Variants in MON2 observed in about 807,000 individuals in gnomAD.
MON2 encodes MON2 regulator of endosome-to-Golgi trafficking.
MON2 carries 84 observed loss-of-function variants against 208.6 expected under a neutral mutation model. That is an observed-to-expected ratio of 0.40 (90% confidence interval 0.34 to 0.48). The LOEUF (loss-of-function observed/expected upper bound fraction) is 0.48, where lower values mean the gene tolerates loss of function less well. MON2 is among the 20% of genes least tolerant of loss of function. MON2 has a pLI of 0.59. For synonymous variants in MON2, 660 were observed against 694.0 expected, an observed-to-expected ratio of 0.95 and a Z score of 0.77; for missense variants, 1,611 against 2,015.4, an observed-to-expected ratio of 0.80 and a Z score of 3.84.
Position 62,507,943 on chromosome 12 carries a change from A to AT in MON2, c.790-335dup, listed in dbSNP as rs996738143. ...GCCACCATACCTGGCTAATTTTTTA[A>AT]TTTTTTTTGTAGAGATGGAGTCTCA... On this transcript the variant is annotated intron_variant, in intron 7 of 34. Transcript: ENST00000393630. Among the ~76,000 whole-genome samples the AT allele has an allele frequency of 4.6e-5, 7 of 151,432 alleles. No individual in the cohort carries two copies. The South Asian group carries it at 1.3e-3, about 27-fold the overall frequency.
intron 2 of MON2, among the ~76,000 whole-genome samples, chr12:62,491,972 T>C (rs894199305): frequency 6.6e-6 from 1 of 152,314 alleles, no homozygotes; most frequent in Non-Finnish European, 1.5e-5. Flanking sequence ...CATATCGTTA[T>C]GGAAAATTTG....
intron 8 of MON2, among the ~76,000 whole-genome samples, chr12:62,515,278 A>G (rs1471935141): frequency 6.6e-6 from 1 of 152,238 alleles, no homozygotes. Flanking sequence ...AATACAGTGT[A>G]TACATATGTT....
chr12:62,483,278 T>C (rs2069555625), intron 1 of MON2, among the ~76,000 whole-genome samples: 1 of 152,188 alleles, frequency 6.6e-6, no homozygotes, highest in African/African-American at 2.4e-5. Flanking sequence ...GGCTACCAAA[T>C]TGGACAGTGC....
At position 62,596,627 on chromosome 12, in the gene MON2, T is replaced by A. The variant is rs966968495; in HGVS notation, c.*3878T>A. 3.3e-5 allele frequency: 5 copies of A among 152,310 alleles called. No homozygotes were observed. Among genetic ancestry groups the A allele is most frequent in the African/African-American group, 7.2e-5 (3 of 41,566 alleles). 9.4% of individuals were successfully genotyped at this position (152,310 alleles called of 1,614,324 possible). On this transcript the variant is annotated 3_prime_UTR_variant, in exon 35 of 35. Transcript: ENST00000393630. ...ACATTATTAGAGGGAATTTTTATTT[T>A]AAAAAAATTGTCATTCATGAGAAGA...
At position 62,537,865 on chromosome 12, in the gene MON2, T is replaced by A. The variant is rs185793614; in HGVS notation, c.2118+159T>A. Among the ~76,000 whole-genome samples, 364 of 152,302 alleles carry A rather than the reference T, an allele frequency of 2.4e-3. 3 individuals carry two copies. Among genetic ancestry groups the A allele is most frequent in the African/African-American group, 8.2e-3 (342 of 41,562 alleles). ...GAAAGGGAAAAAGATGTGACTCATA[T>A]TGTAGGAAGTGGTGGAATGCTTCTC... On this transcript the variant is annotated intron_variant, in intron 16 of 34. Transcript: ENST00000393630.
intron 1 of MON2, among the ~76,000 whole-genome samples, chr12:62,467,628 A>C (rs1419766155): frequency 6.6e-6 from 1 of 152,214 alleles, no homozygotes; most frequent in Non-Finnish European, 1.5e-5. Context: ...AAACTGGCCA[A>C]ACCAAAATTG....
At chr12:62,557,925 G>GT (rs1478360668) in intron 25 of MON2, among the ~76,000 whole-genome samples, 1 of 59,484 alleles carries the variant, frequency 1.7e-5, no homozygotes, top group African/African-American at 8.3e-5. Flanking sequence ...AGAACGAATA[G>GT]ATTTATATAT....
rs1565699165 is a variant in MON2 at position 62,571,450 on chromosome 12, T to C, written c.4382T>C (p.Leu1461Pro). The C allele has an allele frequency of 6.2e-7, 1 of 1,613,366 alleles. No individual in the cohort carries two copies. The highest frequency in any genetic ancestry group is 2.2e-5 in the East Asian group (1 of 44,858). Residue 1461 changes from leucine to proline, a missense_variant, in exon 30 of 35, where the codon CTA becomes CCA. By Grantham distance (98) the Leu-to-Pro change is moderately conservative. Transcript: ENST00000393630. The stretch of plus-strand genomic sequence containing the variant: ...TGCCCTTCTGAAAGCACATGGAAAC[T>C]AGCAGTATCCTCTCTCCTCAGAGTT... ...YSCPSESTWKLAVSSLLRVLS... is the reference protein window; with the variant it reads ...YSCPSESTWKPAVSSLLRVLS...
In MON2 at chr12:62,542,633, G is replaced by A. The variant is rs575246839; in HGVS notation, c.2365-464G>A. ...GACTATAGAAAACTGTTTTGTCTTC[G>A]TGTCCTCTGCTGTTCTGTTAGTGTC... is the stretch of plus-strand genomic sequence containing the variant. On this transcript the variant is annotated intron_variant, in intron 19 of 34. Coordinates refer to ENST00000393630, the MANE Select transcript of MON2 (RefSeq NM_015026.3). Among the ~76,000 whole-genome samples the A allele has an allele frequency of 3.8e-3, 577 of 152,168 alleles. 1 individual carries two copies. Among genetic ancestry groups the A allele is most frequent in the Non-Finnish European group, 5.3e-3 (362 of 68,014 alleles).
chr12:62,577,009 A>T (rs972277939), intron 30 of MON2, among the ~76,000 whole-genome samples: 1 of 151,776 alleles, frequency 6.6e-6, no homozygotes, highest in Non-Finnish European at 1.5e-5. Context: ...TATTAATATT[A>T]TTTTATTATT....
At chr12:62,541,707 G>A (rs2073250546) in intron 19 of MON2, among the ~76,000 whole-genome samples, 1 of 152,128 alleles carries the variant, frequency 6.6e-6, no homozygotes, top group South Asian at 2.1e-4. Flanking sequence ...CTGACTTTTG[G>A]TGTGCATCAG....
At chr12:62,484,344 C>A in intron 2 of MON2, 111 bp downstream of exon 2, 2 of 654,502 alleles carry the variant, frequency 3.1e-6, no homozygotes, top group Non-Finnish European at 5.4e-6. Context: ...TCCTCATGCC[C>A]TAACATATGC....
At chr12:62,556,472 T>C (rs1565681637) in intron 25 of MON2, among the ~76,000 whole-genome samples, 1 of 152,206 alleles carries the variant, frequency 6.6e-6, no homozygotes, top group Non-Finnish European at 1.5e-5. Flanking sequence ...CAAGGAGTGG[T>C]ACTTTGTGAG....
chr12:62,553,232 CTT>C (rs1433708942), intron 24 of MON2, 58 bp downstream of exon 24: 1 of 1,392,720 alleles, frequency 7.2e-7, no homozygotes, highest in Non-Finnish European at 9.8e-7. Context: ...TATATTAATA[CTT>C]TTTCAGTTAA....
At chr12:62,526,410 T>A (rs2072330985) in intron 11 of MON2, among the ~76,000 whole-genome samples, 1 of 152,174 alleles carries the variant, frequency 6.6e-6, no homozygotes, top group African/African-American at 2.4e-5. Flanking sequence ...TGGGCTTAGG[T>A]CTTCTAATAT....
chr12:62,560,793 A>G lies in MON2; in HGVS notation c.3712A>G (p.Asn1238Asp), dbSNP rs768242984. The G allele has an allele frequency of 5.6e-6, 9 of 1,613,990 alleles. No homozygotes were observed. Among genetic ancestry groups the G allele is most frequent in the East Asian group, 4.5e-5 (2 of 44,890 alleles). ...PIVTDELEDL[N>D]LWWAAWNTWY... ...TGTTACTGATGAGCTTGAAGATTTG[A>G]ATCTATGGTGGGCTGCGTGGAATAC... Residue 1238 changes from asparagine to aspartate, a missense_variant, in exon 26 of 35, where the codon AAT becomes GAT. Coordinates refer to ENST00000393630, the MANE Select transcript of MON2 (RefSeq NM_015026.3).
Position 62,567,586 on chromosome 12 carries a change from C to T in MON2, c.4323+1136C>T, listed in dbSNP as rs564414880. 2.6e-5 allele frequency among the ~76,000 whole-genome samples: 4 copies of T among 152,288 alleles called. No homozygotes were observed. In the East Asian group the frequency reaches 7.7e-4, roughly 29 times the overall value. ...GGTACTGGCCTTCTGAAACCTGAGC[C>T]TTCTGAAAGCTCTTTCTTCCCTTGA... On this transcript the variant is annotated intron_variant, in intron 29 of 34. Coordinates refer to ENST00000393630, the MANE Select transcript of MON2 (RefSeq NM_015026.3).
chr12:62,537,062 C>G, intron 14 of MON2, 89 bp from the exon 15 acceptor site: 3 of 725,066 alleles, frequency 4.1e-6, no homozygotes, highest in Admixed American at 3.1e-5. Flanking sequence ...TATGGCTAAA[C>G]TTGGTTTAAT....
At chr12:62,589,799 C>G (rs2075338401) in intron 34 of MON2, among the ~76,000 whole-genome samples, 1 of 142,156 alleles carries the variant, frequency 7.0e-6, no homozygotes, top group African/African-American at 2.6e-5. Context: ...GAAAAGGAAG[C>G]AAAAACTCAG....
Sources: gnomAD v4.1 joint callset for allele counts (sites outside exome capture counted in the v4.1 genomes callset) on GRCh38, gnomAD v4.1.1 for gene constraint, MANE v1.5 for transcripts, NCBI Gene and HGNC (gene_info 2026-07-23, HGNC 2026-07-21) for gene names.